DNAJC3: variants seen among roughly 807,000 people sequenced by gnomAD.
DNAJC3 encodes the protein DnaJ heat shock protein family (Hsp40) member C3, also known as dnaJ homolog subfamily C member 3.
Under a neutral mutation model 68.6 loss-of-function variants are expected in DNAJC3, and 38 were observed. The observed-to-expected ratio is 0.55, with a 90% CI of 0.43 to 0.73. The LOEUF (loss-of-function observed/expected upper bound fraction) is 0.73, where lower values mean the gene tolerates loss of function less well. Among genes scored for constraint, DNAJC3 ranks in the 30% least tolerant of loss-of-function variants. The pLI is 0.00. For synonymous variants in DNAJC3, 203 were observed against 204.0 expected (o/e 1.00, Z 0.04); for missense variants, 526 against 591.9 (o/e 0.89, Z 1.16).
Position 95,790,792 on chromosome 13 carries a change from C to T in DNAJC3, c.1358-81C>T, listed in dbSNP as rs1883744162. 6.4e-6 allele frequency: 9 copies of T among 1,416,384 alleles called. 1 individual carries two copies. The East Asian group carries it at 7.4e-5, about 12-fold the overall frequency. 87.7% of individuals were successfully genotyped at this position (1,416,384 alleles called of 1,614,324 possible). A position where few individuals can be genotyped will look rare whatever the true frequency, so the allele number is the denominator to read the frequency against. On this transcript the variant is annotated intron_variant, in intron 11 of 11. Coordinates refer to ENST00000602402, the MANE Select transcript of DNAJC3 (RefSeq NM_006260.5). ...AAGTAGCTCCTCAAGCCCACCCACC[C>T]TCCTCTGCCCAAAGAAAACATTCCC...
chr13:95,694,125 T>G lies in DNAJC3; in HGVS notation c.83-15102T>G, dbSNP rs376944350. On this transcript the variant is annotated intron_variant, in intron 1 of 11. Transcript: ENST00000602402. ...ACCCCGGACCCTCACCCTAAAAAAT[T>G]ATTCAACTTCCTACACTACTAAAAT... is the stretch of plus-strand genomic sequence containing the variant. The G allele has an allele frequency of 5.3e-5, 8 of 152,146 alleles. No individual in the cohort carries two copies. In the East Asian group the frequency reaches 1.3e-3, roughly 26 times the overall value. 9.4% of individuals were successfully genotyped at this position (152,146 alleles called of 1,614,324 possible).
chr13:95,704,913 A>G (rs899076895), intron 1 of DNAJC3, among the ~76,000 whole-genome samples: 1 of 141,922 alleles, frequency 7.0e-6, no homozygotes, highest in Non-Finnish European at 1.5e-5. Context: ...GTGCAGTGGC[A>G]TGATCTCAGC....
chr13:95,787,808 G>A (rs1883649544), intron 11 of DNAJC3, among the ~76,000 whole-genome samples: 1 of 152,030 alleles, frequency 6.6e-6, no homozygotes, highest in African/African-American at 2.4e-5. Context: ...CTGGCCACAT[G>A]TGTTCTTTTG....
chr13:95,721,327 G>A (rs1359649060), intron 2 of DNAJC3, among the ~76,000 whole-genome samples: 1 of 152,120 alleles, frequency 6.6e-6, no homozygotes, highest in African/African-American at 2.4e-5. Flanking sequence ...ATGGACTTCG[G>A]GGTTGTTTCT....
chr13:95,696,806 C>T (rs1378269883), intron 1 of DNAJC3, among the ~76,000 whole-genome samples: 4 of 151,540 alleles, frequency 2.6e-5, no homozygotes, highest in East Asian at 1.9e-4. Context: ...AGTGCAGTGG[C>T]GTGATCTCGG....
intron 7 of DNAJC3, 66 bp downstream of exon 7, chr13:95,760,864 C>T: frequency 6.4e-7 from 1 of 1,558,976 alleles, no homozygotes; most frequent in Non-Finnish European, 8.7e-7. Context: ...CACAAGTGAA[C>T]TACAGAACTG....
intron 9 of DNAJC3, among the ~76,000 whole-genome samples, chr13:95,779,096 T>C (rs1883363744): frequency 1.3e-5 from 2 of 151,052 alleles, no homozygotes; most frequent in African/African-American, 4.9e-5. Flanking sequence ...ACGGAATTTA[T>C]AATCTTTGAT....
chr13:95,700,324 T>G (rs1321008108), intron 1 of DNAJC3, among the ~76,000 whole-genome samples: 3 of 152,214 alleles, frequency 2.0e-5, no homozygotes, highest in Non-Finnish European at 4.4e-5. Context: ...CAGAACTGTT[T>G]TTAATGTCTG....
chr13:95,752,427 A>G (rs180930867), intron 4 of DNAJC3, among the ~76,000 whole-genome samples: 29 of 152,332 alleles, frequency 1.9e-4, no homozygotes, highest in East Asian at 3.9e-4. Context: ...ATTGAAGATA[A>G]CAATTCTCAT....
chr13:95,764,749 GTA>G (rs1268139667), intron 9 of DNAJC3, among the ~76,000 whole-genome samples: 1 of 81,736 alleles, frequency 1.2e-5, no homozygotes. Flanking sequence ...TATAATACAT[GTA>G]TATATATACA....
chr13:95,690,187 C>T (rs1408879376), intron 1 of DNAJC3, among the ~76,000 whole-genome samples: 2 of 151,868 alleles, frequency 1.3e-5, no homozygotes, highest in Admixed American at 6.6e-5. Context: ...GGTGATGACT[C>T]TTAAGGAGCA....
intron 9 of DNAJC3, among the ~76,000 whole-genome samples, chr13:95,774,085 G>A (rs1883236934): frequency 2.0e-5 from 3 of 152,042 alleles, no homozygotes; most frequent in Admixed American, 2.0e-4. Flanking sequence ...TGGTTTCTAT[G>A]GCTTTTCTTT....
At chr13:95,738,969 T>G (rs1479389743) in intron 4 of DNAJC3, among the ~76,000 whole-genome samples, 2 of 152,222 alleles carry the variant, frequency 1.3e-5, no homozygotes, top group African/African-American at 4.8e-5. Flanking sequence ...TACTGGTTGT[T>G]CCTTTCCATG....
chr13:95,781,667 G>A (rs1354959049), intron 9 of DNAJC3, among the ~76,000 whole-genome samples: 1 of 152,140 alleles, frequency 6.6e-6, no homozygotes, highest in Non-Finnish European at 1.5e-5. Flanking sequence ...TTTGGGATAA[G>A]ATTTTTTAGA....
chr13:95,696,250 A>G lies in DNAJC3; in HGVS notation c.83-12977A>G, dbSNP rs140957473. ...AACCTCGCCAACATGGATATCCCCT[A>G]CCAAGCTTTGGTCTGTTAATCTACC... On this transcript the variant is annotated intron_variant, in intron 1 of 11. Transcript: ENST00000602402. Among the ~76,000 whole-genome samples, 335 of 152,236 alleles carry G rather than the reference A, an allele frequency of 2.2e-3. 5 individuals are homozygous for G. Among genetic ancestry groups the G allele is most frequent in the Middle Eastern group, 0.01 (3 of 294 alleles).
chr13:95,681,210 G>A (rs1259233603), intron 1 of DNAJC3, among the ~76,000 whole-genome samples: 1 of 152,100 alleles, frequency 6.6e-6, no homozygotes, highest in African/African-American at 2.4e-5. Flanking sequence ...TCTGGCCCCT[G>A]TAATCTTCTG....
chr13:95,732,994 G>A (rs1052481211), intron 4 of DNAJC3, among the ~76,000 whole-genome samples: 2 of 152,088 alleles, frequency 1.3e-5, no homozygotes, highest in Admixed American at 6.5e-5. Flanking sequence ...TGTGGTCTGA[G>A]AAAGTACTTA....
intron 1 of DNAJC3, among the ~76,000 whole-genome samples, chr13:95,707,749 G>A (rs182462926): frequency 2.6e-4 from 40 of 152,250 alleles, no homozygotes; most frequent in Admixed American, 1.8e-3. Flanking sequence ...GAACTCTAAC[G>A]GATATTCTAG....
intron 3 of DNAJC3, 52 bp from the exon 4 acceptor site, chr13:95,725,126 G>A: frequency 7.9e-7 from 1 of 1,268,838 alleles, no homozygotes. Flanking sequence ...GTTTAAAAAA[G>A]ATTTAGAAAT....
Sources: gnomAD v4.1 joint callset for allele counts (sites outside exome capture counted in the v4.1 genomes callset) on GRCh38, gnomAD v4.1.1 for gene constraint, MANE v1.5 for transcripts, NCBI Gene and HGNC (gene_info 2026-07-23, HGNC 2026-07-21) for gene names.